The following TRIP11 variants were observed in gnomAD, a reference collection of about 807,000 sequenced individuals.
TRIP11 encodes the protein thyroid hormone receptor interactor 11, also known as thyroid receptor-interacting protein 11.
TRIP11 carries 148 observed loss-of-function variants against 223.1 expected under a neutral mutation model. That is an observed-to-expected ratio of 0.66 (90% confidence interval 0.58 to 0.76). TRIP11 has a LOEUF of 0.76. TRIP11 is among the 30% of genes least tolerant of loss of function. The probability of loss-of-function intolerance (pLI) is 0.00; values close to 1 mark genes in which losing one functional copy is unlikely to be tolerated. For missense variants in TRIP11, 2,043 were observed against 2,222.0 expected (o/e 0.92, Z 1.62); for synonymous variants, 762 against 772.6 (o/e 0.99, Z 0.23).
chr14:91,973,623 G>A (rs147541148), intron 19 of TRIP11, among the ~76,000 whole-genome samples: 7 of 152,300 alleles, frequency 4.6e-5, no homozygotes, highest in African/African-American at 1.7e-4. Context: ...TTAAAATAAT[G>A]TAGTGTAGAC....
chr14:91,987,166 C>A (rs145460704), intron 16 of TRIP11, among the ~76,000 whole-genome samples: 126 of 152,210 alleles, frequency 8.3e-4, no homozygotes, highest in South Asian at 3.7e-3. Context: ...TCCTTGCTGC[C>A]CATTTTCAGG....
rs775330938 is a variant in TRIP11, at chr14:91,988,345, T to A, written c.5199A>T (p.Ala1733=). The change falls in exon 16 of 21, where the codon GCA becomes GCT. Residue 1733 remains alanine (A), a synonymous_variant. Coordinates refer to ENST00000267622, the MANE Select transcript of TRIP11 (RefSeq NM_004239.4). The part of the protein sequence containing the change: ...LDEANAALDS[A]SRLTEQLDVK... ...CATCTAACTGTTCTGTAAGTCTTGA[T>A]GCTGAATCCAATGCAGCATTTGCTT... The A allele has an allele frequency of 2.5e-5, 41 of 1,613,818 alleles. No homozygotes were observed. Among genetic ancestry groups the A allele is most frequent in the Admixed American group, 3.3e-5 (2 of 59,988 alleles).
intron 11 of TRIP11, among the ~76,000 whole-genome samples, chr14:92,002,126 A>G (rs191762456): frequency 6.6e-6 from 1 of 152,254 alleles, no homozygotes; most frequent in East Asian, 1.9e-4. Flanking sequence ...AATCACAGTA[A>G]AAAGGCACTA....
intron 15 of TRIP11, 48 bp downstream of exon 15, chr14:91,993,761 C>G (rs1471647414): frequency 1.4e-6 from 2 of 1,418,284 alleles, no homozygotes; most frequent in Admixed American, 1.7e-5. Flanking sequence ...CTACAAGTAA[C>G]TGTTCCATGA....
At chr14:91,984,579 G>GT (rs1252896435) in intron 16 of TRIP11, among the ~76,000 whole-genome samples, 1 of 152,152 alleles carries the variant, frequency 6.6e-6, no homozygotes, top group African/African-American at 2.4e-5. Context: ...GCCTCTCAAA[G>GT]TGCTGGGATT....
chr14:91,980,721 AG>A (rs1247206633), intron 16 of TRIP11, among the ~76,000 whole-genome samples: 1 of 152,056 alleles, frequency 6.6e-6, no homozygotes, highest in Non-Finnish European at 1.5e-5. Context: ...TTTGAGGCCA[AG>A]GAGTCAACAG....
rs994750418 is a variant in TRIP11 at position 91,969,271 on chromosome 14, AT to A, written c.*401del. The A allele has an allele frequency of 6.4e-6, 2 of 310,898 alleles. No individual in the cohort carries two copies. Among genetic ancestry groups the A allele is most frequent in the Non-Finnish European group, 1.2e-5 (2 of 166,622 alleles). 19.3% of individuals were successfully genotyped at this position (310,898 alleles called of 1,614,324 possible). On this transcript the variant is annotated 3_prime_UTR_variant, in exon 21 of 21. Transcript: ENST00000267622. ...ACTATGCAGAGAAGCCACTACTAGTATTTTTTTATTCTTCGTTTAAAAAAAA... is the reference window on the plus strand; with the variant it reads ...ACTATGCAGAGAAGCCACTACTAGTATTTTTTATTCTTCGTTTAAAAAAAA...
intron 12 of TRIP11, among the ~76,000 whole-genome samples, 181 bp downstream of exon 12, chr14:91,999,787 A>T (rs1010681628): frequency 7.9e-5 from 12 of 152,132 alleles, no homozygotes; most frequent in African/African-American, 2.9e-4. Flanking sequence ...CATGATTTTC[A>T]CTTTTGAAGA....
In TRIP11 at chr14:91,978,876, T is replaced by C. The variant is rs1485926322; in HGVS notation, c.5261-2687A>G. ...ACATGGCCACTAAAAAATTTAAAAT[T>C]GCACGTGGCTCACAGTATATTCCTA... On this transcript the variant is annotated intron_variant, in intron 16 of 20. Transcript: ENST00000267622. The surrounding 1 kb of genome is among the most constrained non-coding windows in gnomAD (Gnocchi z 4.4). Among the ~76,000 whole-genome samples, 1 of 152,208 alleles carries C rather than the reference T, an allele frequency of 6.6e-6. No individual in the cohort carries two copies. The highest frequency in any genetic ancestry group is 1.5e-5 in the Non-Finnish European group (1 of 68,034).
At chr14:92,015,898 T>A in intron 5 of TRIP11, 37 bp from the exon 6 acceptor site, 2 of 1,530,318 alleles carry the variant, frequency 1.3e-6, no homozygotes, top group Admixed American at 1.8e-5. Flanking sequence ...ACATTTATAA[T>A]CAATAAATTT....
At position 92,004,972 on chromosome 14, in the gene TRIP11, G is replaced by A. The variant is rs753579619; in HGVS notation, c.3004C>T (p.Leu1002Phe). Reference protein sequence around the residue: ...DIFQETKVQSLNIENGSEKHD... With the variant: ...DIFQETKVQSFNIENGSEKHD... ...TTTTCACTTCCATTTTCTATATTAA[G>A]GCTCTGAACTTTTGTTTCTTGAAAA... The change falls in exon 11 of 21, where the codon CTT (leucine) becomes TTT (phenylalanine). Residue 1002 changes from leucine to phenylalanine, a missense_variant. Coordinates refer to ENST00000267622, the MANE Select transcript of TRIP11 (RefSeq NM_004239.4). 1.2e-6 allele frequency: 2 copies of A among 1,613,602 alleles called. No individual in the cohort carries two copies. The highest frequency in any genetic ancestry group is 1.7e-6 in the Non-Finnish European group (2 of 1,179,940).
In TRIP11 at chr14:92,021,069, C is replaced by CAA. The variant is rs1195189927; in HGVS notation, c.588+485_588+486dup. Among the ~76,000 whole-genome samples, 47 of 65,320 alleles carry CAA rather than the reference C, an allele frequency of 7.2e-4. 1 individual carries two copies. Among genetic ancestry groups the CAA allele is most frequent in the African/African-American group, 1.6e-3 (31 of 19,622 alleles). The allele number at this position is 65,320 out of a possible 152,430, so 42.9% of individuals were successfully genotyped here. On this transcript the variant is annotated intron_variant, in intron 4 of 20. Coordinates refer to ENST00000267622, the MANE Select transcript of TRIP11 (RefSeq NM_004239.4). ...TCGGTGACAGAGTAAGACTCTGTCT[C>CAA]AAAAAAAAAAAAAAAAAGAAAGAAA...
At chr14:91,991,450 T>C (rs2056670883) in intron 15 of TRIP11, among the ~76,000 whole-genome samples, 1 of 152,136 alleles carries the variant, frequency 6.6e-6, no homozygotes, top group Non-Finnish European at 1.5e-5. Flanking sequence ...TCAAAAACTT[T>C]GAAAGTCTGA....
At chr14:92,013,191 C>T (rs936155543) in intron 7 of TRIP11, among the ~76,000 whole-genome samples, 3 of 151,988 alleles carry the variant, frequency 2.0e-5, no homozygotes, top group Non-Finnish European at 2.9e-5. Flanking sequence ...CACTTGAACC[C>T]GGGAGGTGGA....
intron 3 of TRIP11, among the ~76,000 whole-genome samples, chr14:92,024,216 A>G (rs1321813557): frequency 1.3e-5 from 2 of 152,100 alleles, no homozygotes; most frequent in Non-Finnish European, 2.9e-5. Flanking sequence ...CATCTCTAAT[A>G]AAAATTCAAA....
chr14:91,981,008 A>ATTTTTTTT (rs1211000138), intron 16 of TRIP11, among the ~76,000 whole-genome samples: 9 of 78,296 alleles, frequency 1.1e-4, no homozygotes, highest in African/African-American at 3.9e-4. Flanking sequence ...ATATATATAT[A>ATTTTTTTT]TATATTTTTT....
intron 3 of TRIP11, among the ~76,000 whole-genome samples, chr14:92,024,668 A>G (rs1247346300): frequency 6.6e-6 from 1 of 152,218 alleles, no homozygotes; most frequent in African/African-American, 2.4e-5. Flanking sequence ...AACAAACTGA[A>G]AAACATCCAA....
chr14:91,976,260 T>C (rs2056463465), intron 16 of TRIP11, 71 bp from the exon 17 acceptor site: 1 of 1,269,030 alleles, frequency 7.9e-7, no homozygotes, highest in Non-Finnish European at 1.1e-6. Context: ...TATAATGAAA[T>C]TTATGAGATC....
chr14:91,980,137 G>A (rs939016423), intron 16 of TRIP11, among the ~76,000 whole-genome samples: 1 of 152,124 alleles, frequency 6.6e-6, no homozygotes, highest in Admixed American at 6.5e-5. Flanking sequence ...ATGGTGCCAT[G>A]GTCTTCAACA....
Sources: gnomAD v4.1 joint callset for allele counts (sites outside exome capture counted in the v4.1 genomes callset) on GRCh38, gnomAD v4.1.1 for gene constraint, Gnocchi (gnomAD v3.1) non-coding constraint, MANE v1.5 for transcripts, NCBI Gene and HGNC (gene_info 2026-07-23, HGNC 2026-07-21) for gene names.